The following LEPR variants were observed in gnomAD, a reference collection of about 807,000 sequenced individuals.
LEPR encodes the protein OB receptor.
A neutral mutation model predicts 114.7 loss-of-function variants in LEPR; 56 were observed. The ratio of observed to expected loss-of-function variants is 0.49; its 90% CI spans 0.39 to 0.61. The LOEUF (loss-of-function observed/expected upper bound fraction) is 0.61. Among genes scored for constraint, LEPR ranks in the 20% least tolerant of loss-of-function variants. The pLI is 0.00. For missense variants in LEPR, 1,202 were observed against 1,352.9 expected (o/e 0.89, Z 1.75); for synonymous variants, 443 against 461.4 (o/e 0.96, Z 0.51).
At position 65,580,183 on chromosome 1, in the gene LEPR, A is replaced by G. The variant is rs1030244854; in HGVS notation, c.494+7734A>G. On this transcript the variant is annotated intron_variant, in intron 5 of 19. Transcript: ENST00000349533. ...ACATGCTGTTTCTGCCTTTAATTGT[A>G]TTTTTGTTTGGCTCTTAAGGCAATG... Among the ~76,000 whole-genome samples the G allele has an allele frequency of 3.9e-5, 6 of 152,264 alleles. No individual in the cohort carries two copies. The South Asian group carries it at 1.2e-3, about 32-fold the overall frequency.
chr1:65,540,756 A>C (rs1031377664), intron 2 of LEPR, among the ~76,000 whole-genome samples: 16 of 151,974 alleles, frequency 1.1e-4, no homozygotes, highest in Non-Finnish European at 2.2e-4. Context: ...TCTCTCATTC[A>C]CTCTTGTAGT....
Position 65,613,580 on chromosome 1 carries a change from C to G in LEPR, c.1996-2428C>G, listed in dbSNP as rs570850421. Reference sequence around the variant, plus strand: ...CATCCTGGCTAACAAGGTGAAACCCCGTCTCTACTAAAAATACAAAAAATT... The same window carrying G: ...CATCCTGGCTAACAAGGTGAAACCCGGTCTCTACTAAAAATACAAAAAATT... On this transcript the variant is annotated intron_variant, in intron 14 of 19. Transcript: ENST00000349533. Among the ~76,000 whole-genome samples, 2 of 130,832 alleles carry G rather than the reference C, an allele frequency of 1.5e-5. 1 individual carries two copies. The highest frequency in any genetic ancestry group is 1.6e-4 in the Admixed American group (2 of 12,764). The allele number at this position is 130,832 out of a possible 152,430, so 85.8% of individuals were successfully genotyped here.
At position 65,570,615 on chromosome 1, in the gene LEPR, T is replaced by C. The variant is rs897058665; in HGVS notation, c.183T>C (p.Asn61=). ...AGLSKNTSNS[N]GHYETAVEPK... is the part of the protein sequence containing the mutation. Reference sequence around the variant, plus strand: ...TCTCAAAGAATACTTCAAATTCGAATGGACATTATGAGACAGCTGTTGAAC... The same window carrying C: ...TCTCAAAGAATACTTCAAATTCGAACGGACATTATGAGACAGCTGTTGAAC... The change falls in exon 4 of 20, where the codon AAT becomes AAC. Residue 61 remains asparagine, a synonymous_variant. Coordinates refer to ENST00000349533, the MANE Select transcript of LEPR (RefSeq NM_002303.6). The C allele has an allele frequency of 3.1e-6, 5 of 1,613,902 alleles. No homozygotes were observed. The African/African-American group carries it at 5.3e-5, about 17-fold the overall frequency.
chr1:65,567,792 A>G lies in LEPR; in HGVS notation c.40+2187A>G, dbSNP rs139183383. Among the ~76,000 whole-genome samples, 899 of 152,226 alleles carry G rather than the reference A, an allele frequency of 5.9e-3. 7 individuals are homozygous for G. Among genetic ancestry groups the G allele is most frequent in the African/African-American group, 0.021 (864 of 41,528 alleles). Reference sequence around the variant, plus strand: ...GTTTTAGGTTCACAGCAAAATTGAGAGGAAGGTACAGAGATTTTCCGTAGA... The same window carrying G: ...GTTTTAGGTTCACAGCAAAATTGAGGGGAAGGTACAGAGATTTTCCGTAGA... On this transcript the variant is annotated intron_variant, in intron 3 of 19. Coordinates refer to ENST00000349533, the MANE Select transcript of LEPR (RefSeq NM_002303.6).
intron 2 of LEPR, among the ~76,000 whole-genome samples, chr1:65,539,428 G>A (rs549949362): frequency 1.6e-4 from 25 of 152,128 alleles, no homozygotes; most frequent in Admixed American, 5.2e-4. Flanking sequence ...GTGCATATGG[G>A]CAGTGTTTTA....
intron 2 of LEPR, among the ~76,000 whole-genome samples, chr1:65,516,334 C>T (rs1649282668): frequency 6.6e-6 from 1 of 152,014 alleles, no homozygotes; most frequent in Admixed American, 6.6e-5. Context: ...ATCCCAGCTA[C>T]TTGGGAGGCT....
intron 2 of LEPR, among the ~76,000 whole-genome samples, chr1:65,474,097 C>G (rs1379772265): frequency 5.9e-5 from 9 of 152,198 alleles, no homozygotes; most frequent in African/African-American, 2.2e-4. Context: ...GTGCTGTTAA[C>G]AGCTTCGTAT....
rs1164582873 is a variant in LEPR, at chr1:65,610,363, C to T, written c.1995+67C>T. ...ACTCTTAAAAATTTACTTCATGGTCCATAATCCTGTTATTAATCTTCGGAA... is the reference window on the plus strand; with the variant it reads ...ACTCTTAAAAATTTACTTCATGGTCTATAATCCTGTTATTAATCTTCGGAA... On this transcript the variant is annotated intron_variant, in intron 14 of 19. Coordinates refer to ENST00000349533, the MANE Select transcript of LEPR (RefSeq NM_002303.6). 9 of 1,274,706 alleles carry T rather than the reference C, an allele frequency of 7.1e-6. No individual in the cohort carries two copies. In the Admixed American group the frequency reaches 8.0e-5, roughly 11 times the overall value. 79.0% of individuals were successfully genotyped at this position (1,274,706 alleles called of 1,614,324 possible). A position where few individuals can be genotyped will look rare whatever the true frequency, so the allele number is the denominator to read the frequency against.
At chr1:65,463,151 C>T (rs1321417872) in intron 2 of LEPR, among the ~76,000 whole-genome samples, 1 of 152,082 alleles carries the variant, frequency 6.6e-6, no homozygotes, top group African/African-American at 2.4e-5. Flanking sequence ...AGTCTTTAAT[C>T]CATCTTGAGT....
At chr1:65,612,417 A>G (rs1177569290) in intron 14 of LEPR, among the ~76,000 whole-genome samples, 1 of 152,186 alleles carries the variant, frequency 6.6e-6, no homozygotes, top group African/African-American at 2.4e-5. Context: ...CTTAGCTTTT[A>G]CCCAATGTTC....
intron 2 of LEPR, among the ~76,000 whole-genome samples, chr1:65,502,598 T>A (rs1343593924): frequency 1.3e-5 from 2 of 152,114 alleles, no homozygotes; most frequent in African/African-American, 4.8e-5. Context: ...AAGTAAAATA[T>A]ATGTCAGATC....
Position 65,636,668 on chromosome 1 carries a change from C to T in LEPR, c.3151C>T (p.Leu1051Phe). Reference protein sequence around the residue: ...DQHPNIISPHLTFSEGLDELL... With the variant: ...DQHPNIISPHFTFSEGLDELL... ...GCATCCCAACATAATTTCACCACAC[C>T]TCACATTCTCAGAAGGATTGGATGA... The change falls in exon 20 of 20, where the codon CTC becomes TTC. Residue 1051 changes from leucine to phenylalanine, a missense_variant. Physicochemically the swap from Leu to Phe is conservative, Grantham distance 22. Transcript: ENST00000349533. 6.2e-7 allele frequency: 1 copy of T among 1,609,762 alleles called. No homozygotes were observed. Among genetic ancestry groups the T allele is most frequent in the South Asian group, 1.1e-5 (1 of 90,448 alleles).
Position 65,443,978 on chromosome 1 carries a change from C to CT in LEPR, c.-21+18601dup, listed in dbSNP as rs1455673885. On this transcript the variant is annotated intron_variant, in intron 2 of 19. Coordinates refer to ENST00000349533, the MANE Select transcript of LEPR (RefSeq NM_002303.6). Reference sequence around the variant, plus strand: ...TTTTTTTTTTTTTTTTTTTTATACTCTAAGTTTTAGGGTACATGTGCACAT... The same window carrying CT: ...TTTTTTTTTTTTTTTTTTTTATACTCTTAAGTTTTAGGGTACATGTGCACAT... 1.1e-4 allele frequency among the ~76,000 whole-genome samples: 3 copies of CT among 27,478 alleles called. 1 individual carries two copies. Among genetic ancestry groups the CT allele is most frequent in the South Asian group, 2.7e-3 (2 of 736 alleles). The allele number at this position is 27,478 out of a possible 152,430, so 18.0% of individuals were successfully genotyped here.
At chr1:65,493,668 T>G (rs1393547146) in intron 2 of LEPR, among the ~76,000 whole-genome samples, 1 of 152,184 alleles carries the variant, frequency 6.6e-6, no homozygotes, top group East Asian at 1.9e-4. Flanking sequence ...TCTTGAGATC[T>G]TTCTTTACAT....
chr1:65,568,863 C>T (rs886823994), intron 3 of LEPR, among the ~76,000 whole-genome samples: 18 of 152,238 alleles, frequency 1.2e-4, no homozygotes, highest in African/African-American at 4.1e-4. Context: ...TAATAATGGC[C>T]ATTCTTACTG....
intron 2 of LEPR, among the ~76,000 whole-genome samples, chr1:65,443,525 T>A (rs4292989): frequency 0.017 from 2,536 of 151,248 alleles, 46 homozygotes; most frequent in South Asian, 0.092. Flanking sequence ...TCAAAAATTT[T>A]TTGCTGGGTA....
chr1:65,613,291 A>T (rs1657294532), intron 14 of LEPR, among the ~76,000 whole-genome samples: 1 of 152,036 alleles, frequency 6.6e-6, no homozygotes, highest in Non-Finnish European at 1.5e-5. Flanking sequence ...GGGGTTTTTT[A>T]TTTTAATTTT....
intron 19 of LEPR, among the ~76,000 whole-genome samples, chr1:65,623,752 C>T (rs151310587): frequency 0.012 from 1,887 of 152,196 alleles, 49 homozygotes; most frequent in African/African-American, 0.044. Flanking sequence ...CAATGGTTTC[C>T]TTTTGAATAC....
chr1:65,510,585 A>G (rs1005927968), intron 2 of LEPR, among the ~76,000 whole-genome samples: 17 of 152,000 alleles, frequency 1.1e-4, no homozygotes, highest in Non-Finnish European at 1.9e-4. Context: ...TTACCCCATA[A>G]CCCTCATCTA....
Sources: allele counts gnomAD v4.1 joint callset (sites outside exome capture counted in the v4.1 genomes callset), GRCh38; gene constraint gnomAD v4.1.1; transcripts MANE v1.5; gene names NCBI Gene and HGNC (gene_info 2026-07-23, HGNC 2026-07-21).